MGAT4C: variants seen among roughly 807,000 people sequenced by gnomAD.
The protein encoded by MGAT4C is alpha-1,3-mannosyl-glycoprotein 4-beta-N-acetylglucosaminyltransferase C.
In MGAT4C, 19 loss-of-function variants were observed where a neutral mutation model predicts 40.1. The observed-to-expected ratio is 0.47, with a 90% CI of 0.33 to 0.70. MGAT4C has a LOEUF of 0.70. Among genes scored for constraint, MGAT4C ranks in the 30% least tolerant of loss-of-function variants. The pLI is 0.02. For missense variants in MGAT4C, 491 were observed against 563.2 expected (o/e 0.87, Z 1.30); for synonymous variants, 181 against 187.1 (o/e 0.97, Z 0.27).
intron 1 of MGAT4C, among the ~76,000 whole-genome samples, chr12:86,094,983 A>G (rs906223718): frequency 2.0e-5 from 3 of 152,138 alleles, no homozygotes; most frequent in Non-Finnish European, 2.9e-5. Context: ...GTGGCAGAGA[A>G]TGTTAGCTAT....
chr12:86,179,500 T>C (rs898776872), intron 1 of MGAT4C, among the ~76,000 whole-genome samples: 1 of 152,152 alleles, frequency 6.6e-6, no homozygotes, highest in Admixed American at 6.6e-5. Context: ...GTGGGAAAGT[T>C]TGGAACTTCC....
intron 1 of MGAT4C, among the ~76,000 whole-genome samples, chr12:86,171,589 T>TA (rs971707977): frequency 6.6e-6 from 1 of 152,182 alleles, no homozygotes; most frequent in African/African-American, 2.4e-5. Flanking sequence ...GAGGTTCAGA[T>TA]AAACTAATGA....
chr12:85,986,852 G>T (rs1275846230), intron 3 of MGAT4C, among the ~76,000 whole-genome samples: 6 of 151,996 alleles, frequency 3.9e-5, no homozygotes, highest in Non-Finnish European at 8.8e-5. Context: ...CTTGGAGGGG[G>T]CCAGTTTCCC....
intron 2 of MGAT4C, among the ~76,000 whole-genome samples, chr12:86,619,787 T>C (rs1962579813): frequency 6.6e-6 from 1 of 152,144 alleles, no homozygotes; most frequent in Admixed American, 6.5e-5. Context: ...TTATAGCATA[T>C]ACTTATTCTG....
chr12:86,833,625 C>A (rs1952974487), intron 1 of MGAT4C, among the ~76,000 whole-genome samples: 1 of 151,876 alleles, frequency 6.6e-6, no homozygotes, highest in Non-Finnish European at 1.5e-5. Flanking sequence ...CTAATGACTC[C>A]ATTTCAATTT....
At chr12:86,012,811 C>A (rs1310941945) in intron 2 of MGAT4C, among the ~76,000 whole-genome samples, 9 of 151,396 alleles carry the variant, frequency 5.9e-5, no homozygotes, top group East Asian at 2.0e-4. Context: ...CCACCACCAC[C>A]ACCACCACCA....
chr12:85,999,718 G>A (rs748378388), intron 2 of MGAT4C, among the ~76,000 whole-genome samples: 4 of 152,022 alleles, frequency 2.6e-5, no homozygotes, highest in Non-Finnish European at 4.4e-5. Flanking sequence ...CCTGTCATTT[G>A]CAGCAACACA....
chr12:86,754,773 AT>A, intron 1 of MGAT4C, among the ~76,000 whole-genome samples: 1 of 152,116 alleles, frequency 6.6e-6, no homozygotes, highest in East Asian at 1.9e-4. Flanking sequence ...AAAATTAGTG[AT>A]GTTTTGATCA....
At chr12:86,015,133 A>G (rs1226491556) in intron 2 of MGAT4C, among the ~76,000 whole-genome samples, 1 of 150,640 alleles carries the variant, frequency 6.6e-6, no homozygotes, top group Non-Finnish European at 1.5e-5. Flanking sequence ...CTGTTTTTTC[A>G]CTTCTGAGGT....
chr12:85,976,419 T>C lies in MGAT4C; in HGVS notation c.*2870A>G, dbSNP rs1222378041. The C allele has an allele frequency of 6.6e-6, 1 of 150,860 alleles. No individual in the cohort carries two copies. The highest frequency in any genetic ancestry group is 1.5e-5 in the Non-Finnish European group (1 of 67,174). The allele number at this position is 150,860 out of a possible 1,614,324, so 9.3% of individuals were successfully genotyped here. On this transcript the variant is annotated 3_prime_UTR_variant, in exon 5 of 5. Transcript: ENST00000611864. Reference sequence around the variant, plus strand: ...ATTTCATTGTGCTTTTACAAGATACTTTTTTCTTTGATGTCCATAACTGCT... The same window carrying C: ...ATTTCATTGTGCTTTTACAAGATACCTTTTTCTTTGATGTCCATAACTGCT...
intron 4 of MGAT4C, among the ~76,000 whole-genome samples, chr12:86,280,040 T>A (rs913461466): frequency 3.3e-5 from 5 of 152,104 alleles, no homozygotes; most frequent in Admixed American, 3.3e-4. Context: ...TACTTTGTGA[T>A]GTAACATATG....
intron 1 of MGAT4C, among the ~76,000 whole-genome samples, chr12:86,781,769 A>G (rs1440538574): frequency 6.6e-6 from 1 of 152,160 alleles, no homozygotes; most frequent in Admixed American, 6.5e-5. Context: ...CTAGAATTTG[A>G]CACAAATTAT....
chr12:86,387,798 G>A (rs149907170), intron 3 of MGAT4C, among the ~76,000 whole-genome samples: 4 of 152,196 alleles, frequency 2.6e-5, no homozygotes, highest in African/African-American at 9.6e-5. Flanking sequence ...AGCAGTTAAT[G>A]ATATTTTATT....
chr12:85,989,023 T>C (rs1885577038), intron 3 of MGAT4C, among the ~76,000 whole-genome samples: 1 of 152,028 alleles, frequency 6.6e-6, no homozygotes, highest in South Asian at 2.1e-4. Context: ...TCAGTGATAA[T>C]ATAGAAAAGT....
intron 1 of MGAT4C, among the ~76,000 whole-genome samples, chr12:86,239,497 TA>T (rs1451240867): frequency 3.9e-5 from 6 of 152,098 alleles, no homozygotes; most frequent in Admixed American, 6.6e-5. Context: ...CAATTAAAAT[TA>T]ATATGTATTC....
intron 3 of MGAT4C, among the ~76,000 whole-genome samples, chr12:86,399,667 T>C (rs1443957716): frequency 6.6e-6 from 1 of 152,074 alleles, no homozygotes; most frequent in African/African-American, 2.4e-5. Context: ...GAGGAGAAAG[T>C]AAGGTGAGCT....
At chr12:86,072,028 G>GTGTGTGTGTT (rs2137038739) in intron 1 of MGAT4C, among the ~76,000 whole-genome samples, 1 of 15,052 alleles carries the variant, frequency 6.6e-5, no homozygotes, top group African/African-American at 1.2e-4. Context: ...ATAGGGTTTT[G>GTGTGTGTGTT]TGTGTGTGTG....
chr12:86,732,839 A>C lies in MGAT4C; in HGVS notation c.-261-5598T>G, dbSNP rs569147969. 1.3e-4 allele frequency among the ~76,000 whole-genome samples: 20 copies of C among 152,078 alleles called. No individual in the cohort carries two copies. The East Asian group carries it at 3.5e-3, about 27-fold the overall frequency. ...TTTGTTTTCTCCAGCAAAAAAAAAAAAAAAAAAGGATGAGCAGATTAACCA... is the reference window on the plus strand; with the variant it reads ...TTTGTTTTCTCCAGCAAAAAAAAAACAAAAAAAGGATGAGCAGATTAACCA... On this transcript the variant is annotated intron_variant, in intron 1 of 7. Transcript: ENST00000548651.
chr12:86,561,492 T>C (rs1959861097), intron 2 of MGAT4C, among the ~76,000 whole-genome samples: 1 of 152,198 alleles, frequency 6.6e-6, no homozygotes, highest in Non-Finnish European at 1.5e-5. Flanking sequence ...CTTTCCCCCA[T>C]GCTGGATGTT....
Sources: allele counts gnomAD v4.1 joint callset (sites outside exome capture counted in the v4.1 genomes callset), GRCh38; gene constraint gnomAD v4.1.1; transcripts MANE v1.5; gene names NCBI Gene and HGNC (gene_info 2026-07-23, HGNC 2026-07-21).